Variants in MEI4 observed in about 807,000 individuals in gnomAD.
The protein encoded by MEI4 is meiotic double-stranded break formation protein 4, also known as meiosis-specific protein MEI4.
A neutral mutation model predicts 31.4 loss-of-function variants in MEI4; 27 were observed. The ratio of observed to expected loss-of-function variants is 0.86; its 90% CI spans 0.63 to 1.19. The LOEUF (loss-of-function observed/expected upper bound fraction) is 1.19, where lower values mean the gene tolerates loss of function less well. MEI4 is among the 50% of genes most tolerant of loss of function. The pLI is 0.00. For missense variants in MEI4, 329 were observed against 398.9 expected (o/e 0.82, Z 1.49); for synonymous variants, 122 against 145.4 (o/e 0.84, Z 1.16).
chr6:77,785,472 C>A (rs1316073733), intron 3 of MEI4, among the ~76,000 whole-genome samples: 1 of 152,022 alleles, frequency 6.6e-6, no homozygotes, highest in Non-Finnish European at 1.5e-5. Context: ...AGAGGGAGGG[C>A]CTTGAGTGAA....
At chr6:77,900,307 A>G (rs906034869) in intron 4 of MEI4, among the ~76,000 whole-genome samples, 6 of 152,010 alleles carry the variant, frequency 3.9e-5, no homozygotes, top group African/African-American at 9.7e-5. Context: ...AAATATTTCT[A>G]CCATATGTTC....
chr6:77,735,251 C>T (rs1335102129), intron 2 of MEI4, among the ~76,000 whole-genome samples: 1 of 151,914 alleles, frequency 6.6e-6, no homozygotes, highest in Admixed American at 6.6e-5. Context: ...CTCCATTCTC[C>T]CCGTCACTTT....
At chr6:77,889,994 C>T (rs1306563459) in intron 4 of MEI4, among the ~76,000 whole-genome samples, 2 of 152,192 alleles carry the variant, frequency 1.3e-5, no homozygotes, top group African/African-American at 4.8e-5. Context: ...TATGGAAATG[C>T]TTGGATGTCC....
intron 2 of MEI4, among the ~76,000 whole-genome samples, chr6:77,742,037 G>GT (rs1767420866): frequency 6.6e-6 from 1 of 151,826 alleles, no homozygotes; most frequent in Admixed American, 6.6e-5. Flanking sequence ...CATTTGGCTT[G>GT]GTTCCAAGTC....
At chr6:77,834,670 C>T (rs1198287014) in intron 4 of MEI4, among the ~76,000 whole-genome samples, 2 of 151,976 alleles carry the variant, frequency 1.3e-5, no homozygotes, top group African/African-American at 4.8e-5. Flanking sequence ...CACTGGGCCC[C>T]GATCAGATAG....
chr6:77,659,897 T>C (rs1768470708), intron 1 of MEI4, among the ~76,000 whole-genome samples: 1 of 152,074 alleles, frequency 6.6e-6, no homozygotes, highest in African/African-American at 2.4e-5. Flanking sequence ...GCCACAGGAA[T>C]AGTAGTTTGT....
chr6:77,819,821 G>A (rs1445149804), intron 3 of MEI4, among the ~76,000 whole-genome samples: 1 of 152,078 alleles, frequency 6.6e-6, no homozygotes, highest in Non-Finnish European at 1.5e-5. Flanking sequence ...TTCCTTCTAT[G>A]TCCTCTATCT....
chr6:77,844,129 T>C (rs1424739501), intron 4 of MEI4, among the ~76,000 whole-genome samples: 2 of 152,128 alleles, frequency 1.3e-5, no homozygotes, highest in African/African-American at 4.8e-5. Context: ...CTGGAGAGTG[T>C]CTCAAGGATC....
intron 4 of MEI4, among the ~76,000 whole-genome samples, chr6:77,856,406 T>C (rs2127719738): frequency 6.6e-6 from 1 of 152,300 alleles, no homozygotes; most frequent in Middle Eastern, 3.4e-3. Flanking sequence ...TCCTACGTTC[T>C]CATAAAGCCC....
chr6:77,707,975 G>A (rs1431844157), intron 2 of MEI4, among the ~76,000 whole-genome samples: 2 of 152,236 alleles, frequency 1.3e-5, no homozygotes, highest in African/African-American at 4.8e-5. Context: ...TGCTACAGGG[G>A]TGGAACCCTT....
Position 77,789,956 on chromosome 6 carries a change from G to A in MEI4, c.768+28291G>A, listed in dbSNP as rs1368704361. Among the ~76,000 whole-genome samples, 12 of 152,194 alleles carry A rather than the reference G, an allele frequency of 7.9e-5. No individual in the cohort carries two copies. In the South Asian group the frequency reaches 1.2e-3, roughly 16 times the overall value. ...TGCTGCTATAAAGACACATGCACACGTATGTTTATTGCGGCACTATTCACA... is the reference window on the plus strand; with the variant it reads ...TGCTGCTATAAAGACACATGCACACATATGTTTATTGCGGCACTATTCACA... On this transcript the variant is annotated intron_variant, in intron 3 of 4. Transcript: ENST00000684080.
At chr6:77,878,480 G>A (rs1416020200) in intron 4 of MEI4, among the ~76,000 whole-genome samples, 1 of 152,044 alleles carries the variant, frequency 6.6e-6, no homozygotes, top group Non-Finnish European at 1.5e-5. Context: ...GCAAACTTTA[G>A]ATAGTGATCA....
chr6:77,924,598 C>A lies in MEI4; in HGVS notation c.*1252C>A, dbSNP rs1465018904. 1 of 151,852 alleles carries A rather than the reference C, an allele frequency of 6.6e-6. No homozygotes were observed. The highest frequency in any genetic ancestry group is 1.5e-5 in the Non-Finnish European group (1 of 67,888). The allele number at this position is 151,852 out of a possible 1,614,324, so 9.4% of individuals were successfully genotyped here. On this transcript the variant is annotated 3_prime_UTR_variant, in exon 5 of 5. Coordinates refer to ENST00000684080, the MANE Select transcript of MEI4 (RefSeq NM_001322247.2). The stretch of plus-strand genomic sequence containing the variant: ...AATGAAAAGCTCTGCTGAGGTTGCA[C>A]ATACCACAGGAATAGGCTTCTTGCT...
intron 3 of MEI4, among the ~76,000 whole-genome samples, chr6:77,800,684 C>G (rs1198699477): frequency 2.0e-5 from 3 of 151,734 alleles, no homozygotes; most frequent in African/African-American, 7.3e-5. Flanking sequence ...CTAATTTAGT[C>G]AGAATTTTTA....
chr6:77,893,095 T>C (rs550576756), intron 4 of MEI4, among the ~76,000 whole-genome samples: 1 of 152,218 alleles, frequency 6.6e-6, no homozygotes, highest in African/African-American at 2.4e-5. Context: ...TTCTTTCTCT[T>C]TCCATGCTTT....
At chr6:77,887,002 G>C (rs957650289) in intron 4 of MEI4, among the ~76,000 whole-genome samples, 1 of 105,940 alleles carries the variant, frequency 9.4e-6, no homozygotes, top group Admixed American at 1.1e-4. Flanking sequence ...ACTAATTTTG[G>C]ATTTGGTTTG....
At chr6:77,906,006 A>G (rs1029524970) in intron 4 of MEI4, among the ~76,000 whole-genome samples, 13 of 151,320 alleles carry the variant, frequency 8.6e-5, no homozygotes, top group African/African-American at 3.2e-4. Flanking sequence ...TATTTATTGT[A>G]TTTTCAGCCC....
intron 4 of MEI4, among the ~76,000 whole-genome samples, chr6:77,884,607 G>C (rs1280238598): frequency 2.6e-5 from 4 of 152,282 alleles, no homozygotes; most frequent in African/African-American, 7.2e-5. Context: ...TTATTGAAGA[G>C]AGTGTCTTTT....
intron 3 of MEI4, among the ~76,000 whole-genome samples, chr6:77,790,516 T>G (rs545612831): frequency 6.6e-6 from 1 of 151,004 alleles, no homozygotes. Context: ...CTATGCAATA[T>G]ACTTATGTAG....
Sources: allele counts gnomAD v4.1 joint callset (sites outside exome capture counted in the v4.1 genomes callset), GRCh38; gene constraint gnomAD v4.1.1; transcripts MANE v1.5; gene names NCBI Gene and HGNC (gene_info 2026-07-23, HGNC 2026-07-21).